The following TGIF1 variants were observed in gnomAD, a reference collection of about 807,000 sequenced individuals.
TGIF1 encodes the protein homeobox protein TGIF1.
A neutral mutation model predicts 19.3 loss-of-function variants in TGIF1; 4 were observed. That is an observed-to-expected ratio of 0.21 (90% CI 0.10 to 0.47). The LOEUF (loss-of-function observed/expected upper bound fraction) is 0.47, where lower values mean the gene tolerates loss of function less well. Ranked by LOEUF, TGIF1 falls within the 20% of genes least tolerant of loss-of-function variation. TGIF1 has a pLI of 0.98. For synonymous variants in TGIF1, 122 were observed against 129.3 expected (o/e 0.94, Z 0.38); for missense variants, 275 against 341.4 (o/e 0.81, Z 1.53).
intron 1 of TGIF1, chr18:3,455,648 C>G (rs948171820): frequency 6.6e-6 from 1 of 152,554 alleles, no homozygotes; most frequent in African/African-American, 2.4e-5. Flanking sequence ...AAACTGAAAA[C>G]ATCAGTGGTC....
At chr18:3,445,880 G>A (rs985105309), upstream of TGIF1, among the ~76,000 whole-genome samples, 6 of 150,338 alleles carry the variant, frequency 4.0e-5, no homozygotes. Flanking sequence ...TGGCGTCCCT[G>A]GCATAATCTG....
chr18:3,450,200 A>T lies in TGIF1; in HGVS notation c.-290A>T, dbSNP rs1442302887. The T allele has an allele frequency of 5.0e-5, 69 of 1,366,586 alleles. No individual in the cohort carries two copies. Among genetic ancestry groups the T allele is most frequent in the Non-Finnish European group, 4.0e-5 (42 of 1,059,530 alleles). The allele number at this position is 1,366,586 out of a possible 1,614,324, so 84.7% of individuals were successfully genotyped here. A position where few individuals can be genotyped will look rare whatever the true frequency, so the allele number is the denominator to read the frequency against. ...CTGACAGCGCCGAGGTGCGCCGAGC[A>T]GGAGCAGGGAACAAAGGAGCGGAGA... is the stretch of plus-strand genomic sequence containing the variant. On this transcript the variant is annotated 5_prime_UTR_variant, in exon 1 of 3. Coordinates refer to ENST00000343820, the MANE Select transcript of TGIF1 (RefSeq NM_003244.4).
chr18:3,436,224 C>T (rs2082612703), intron 2 of TGIF1, among the ~76,000 whole-genome samples: 1 of 152,044 alleles, frequency 6.6e-6, no homozygotes, highest in Admixed American at 6.6e-5. Context: ...TTTTTATTAA[C>T]TTAAAAAATA....
At position 3,450,368 on chromosome 18, in the gene TGIF1, G is replaced by A; in HGVS notation, c.-122G>A. 1.3e-6 allele frequency: 2 copies of A among 1,528,498 alleles called. No homozygotes were observed. Among genetic ancestry groups the A allele is most frequent in the African/African-American group, 1.4e-5 (1 of 72,574 alleles). The allele number at this position is 1,528,498 out of a possible 1,614,324, so 94.7% of individuals were successfully genotyped here. A position where few individuals can be genotyped will look rare whatever the true frequency, so the allele number is the denominator to read the frequency against. On this transcript the variant is annotated 5_prime_UTR_variant, in exon 1 of 3. Transcript: ENST00000343820. Reference sequence around the variant, plus strand: ...GCGTCCTGTTTAGCAATAACGGCTGGAGCACGTCCTACAAGTTACGGGAGA... The same window carrying A: ...GCGTCCTGTTTAGCAATAACGGCTGAAGCACGTCCTACAAGTTACGGGAGA...
chr18:3,458,053 A>C lies in TGIF1; in HGVS notation c.*113A>C. On this transcript the variant is annotated 3_prime_UTR_variant, in exon 3 of 3. Coordinates refer to ENST00000343820, the MANE Select transcript of TGIF1 (RefSeq NM_003244.4). ...ATTAATATTTGCACATGGGATTGCT[A>C]AAACAGCTTCCTGTTACTGAGATGT... The C allele has an allele frequency of 1.0e-6, 1 of 954,306 alleles. No homozygotes were observed. Among genetic ancestry groups the C allele is most frequent in the Non-Finnish European group, 1.6e-6 (1 of 630,342 alleles). 59.1% of individuals were successfully genotyped at this position (954,306 alleles called of 1,614,324 possible). A position where few individuals can be genotyped will look rare whatever the true frequency, so the allele number is the denominator to read the frequency against.
chr18:3,449,905 G>T (rs904195927), upstream of TGIF1: 1 of 985,810 alleles, frequency 1.0e-6, no homozygotes, highest in Admixed American at 6.1e-5. Context: ...AACCTGGGGC[G>T]CTCGGCTGGT....
Position 3,422,673 on chromosome 18 carries a change from C to CTTTTTTGT in TGIF1, c.-45+4464_-45+4465insGTTTTTTT, listed in dbSNP as rs1481496826. Reference sequence around the variant, plus strand: ...ATGTTAAGTGCCCTATATAGGTGGCCTTTTTTTTTTTTTTTTTTTTTTTTT... The same window carrying CTTTTTTGT: ...ATGTTAAGTGCCCTATATAGGTGGCCTTTTTTGTTTTTTTTTTTTTTTTTTTTTTTTTT... On this transcript the variant is annotated intron_variant, in intron 2 of 3. Transcript: ENST00000401449. Among the ~76,000 whole-genome samples the CTTTTTTGT allele has an allele frequency of 9.7e-4, 24 of 24,656 alleles. 2 individuals are homozygous for CTTTTTTGT. The highest frequency in any genetic ancestry group is 1.3e-3 in the Non-Finnish European group (8 of 6,138). The allele number at this position is 24,656 out of a possible 152,430, so 16.2% of individuals were successfully genotyped here.
intron 1 of TGIF1, among the ~76,000 whole-genome samples, chr18:3,417,148 T>C (rs2082343179): frequency 6.6e-6 from 1 of 152,208 alleles, no homozygotes; most frequent in Middle Eastern, 3.4e-3. Context: ...TGTTTTTTGT[T>C]GTTGTTGTTG....
chr18:3,454,020 G>GCTGC, intron 1 of TGIF1, among the ~76,000 whole-genome samples: 1 of 152,302 alleles, frequency 6.6e-6, no homozygotes, highest in African/African-American at 2.4e-5. Flanking sequence ...AGCAGCAAAC[G>GCTGC]TGGTTTTACT....
In TGIF1 at chr18:3,450,327, G is replaced by A; in HGVS notation, c.-163G>A. ...TCACTTGAATTCCACCCAAGGAGCG[G>A]GCGCCTGGGATCAGAGCGTCCTGTT... On this transcript the variant is annotated 5_prime_UTR_variant, in exon 1 of 3. Coordinates refer to ENST00000343820, the MANE Select transcript of TGIF1 (RefSeq NM_003244.4). 2 of 1,457,708 alleles carry A rather than the reference G, an allele frequency of 1.4e-6. No homozygotes were observed. The highest frequency in any genetic ancestry group is 1.8e-4 in the Middle Eastern group (1 of 5,520). 90.3% of individuals were successfully genotyped at this position (1,457,708 alleles called of 1,614,324 possible). A position where few individuals can be genotyped will look rare whatever the true frequency, so the allele number is the denominator to read the frequency against.
intron 2 of TGIF1, among the ~76,000 whole-genome samples, chr18:3,420,370 G>A (rs1478892944): frequency 2.6e-5 from 4 of 151,548 alleles, no homozygotes; most frequent in Non-Finnish European, 4.4e-5. Context: ...GCAACAGAGT[G>A]AGACTCCCTC....
At chr18:3,446,478 C>G (rs1336235405), upstream of TGIF1, among the ~76,000 whole-genome samples, 2 of 152,176 alleles carry the variant, frequency 1.3e-5, no homozygotes, top group African/African-American at 2.4e-5. Flanking sequence ...GCCACAGCGC[C>G]CTGCCTATCT....
Position 3,434,549 on chromosome 18 carries a change from T to TA in TGIF1, c.-45+16341dup, listed in dbSNP as rs941676472. Among the ~76,000 whole-genome samples the TA allele has an allele frequency of 3.5e-5, 5 of 143,738 alleles. No individual in the cohort carries two copies. In the East Asian group the frequency reaches 6.1e-4, roughly 18 times the overall value. 94.3% of individuals were successfully genotyped at this position (143,738 alleles called of 152,430 possible). On this transcript the variant is annotated intron_variant, in intron 2 of 3. Coordinates refer to the TGIF1 transcript ENST00000401449. ...TAAACTGCATCTCAAAAAATAAAAA[T>TA]AAAAAAATAAAAAAAATTAGCCAGG...
chr18:3,436,081 G>A (rs1035455748), intron 2 of TGIF1, among the ~76,000 whole-genome samples: 1 of 152,144 alleles, frequency 6.6e-6, no homozygotes, highest in African/African-American at 2.4e-5. Flanking sequence ...TCCTCTGAAC[G>A]CCTGAGCACG....
At chr18:3,447,912 T>G, upstream of TGIF1, 1 of 1,495,516 alleles carries the variant, frequency 6.7e-7, no homozygotes, top group Non-Finnish European at 9.3e-7. Flanking sequence ...CCCTTTCCAA[T>G]TCTCGGTTCC....
At chr18:3,435,404 C>T (rs2082602572) in intron 2 of TGIF1, among the ~76,000 whole-genome samples, 1 of 152,074 alleles carries the variant, frequency 6.6e-6, no homozygotes. Flanking sequence ...ACCGGTGTTG[C>T]CCAGGCTGGT....
intron 1 of TGIF1, chr18:3,452,332 A>G: frequency 6.2e-7 from 1 of 1,613,228 alleles, no homozygotes. Context: ...TCCCCATCCC[A>G]GGGCGCACAG....
chr18:3,443,351 T>A lies in TGIF1; in HGVS notation c.-44-13003T>A, dbSNP rs72872018. ...TGGCTCATGGGTTATACTGGCAGGA[T>A]AAATTAATTAACTCCCACAGACTAC... On this transcript the variant is annotated intron_variant, in intron 2 of 3. Coordinates refer to the TGIF1 transcript ENST00000401449. 3.7e-3 allele frequency among the ~76,000 whole-genome samples: 562 copies of A among 152,142 alleles called. 3 individuals carry two copies. The highest frequency in any genetic ancestry group is 6.4e-3 in the Non-Finnish European group (432 of 68,008).
chr18:3,421,288 C>T lies in TGIF1; in HGVS notation c.-45+3073C>T, dbSNP rs940674675. ...ATATATATATTTGAGATGGAGTTTG[C>T]GTCTTACTATACTATATATATACAT... On this transcript the variant is annotated intron_variant, in intron 2 of 3. Transcript: ENST00000401449. Among the ~76,000 whole-genome samples the T allele has an allele frequency of 2.0e-5, 3 of 147,424 alleles. No homozygotes were observed. The East Asian group carries it at 5.8e-4, about 29-fold the overall frequency.
Sources: gnomAD v4.1 joint callset for allele counts (sites outside exome capture counted in the v4.1 genomes callset) on GRCh38, gnomAD v4.1.1 for gene constraint, MANE v1.5 for transcripts, NCBI Gene and HGNC (gene_info 2026-07-23, HGNC 2026-07-21) for gene names.